The following NRG1 variants were observed in gnomAD, a reference collection of about 807,000 sequenced individuals.
NRG1 encodes the protein neuregulin 1.
Under a neutral mutation model 63.8 loss-of-function variants are expected in NRG1, and 18 were observed. That is an observed-to-expected ratio of 0.28 (90% CI 0.19 to 0.42). The LOEUF is 0.42. Among genes scored for constraint, NRG1 ranks in the 10% least tolerant of loss-of-function variants. The pLI is 1.00. For synonymous variants in NRG1, 302 were observed against 301.3 expected (o/e 1.00, Z -0.02); for missense variants, 762 against 814.7 (o/e 0.94, Z 0.79).
chr8:31,756,999 C>T lies in NRG1; in HGVS notation c.37+117568C>T, dbSNP rs1206760613. Reference sequence around the variant, plus strand: ...GGCCAGACATATTCAAAGTGTGATCCGCATTCAATATCACCATTCTCTTGC... The same window carrying T: ...GGCCAGACATATTCAAAGTGTGATCTGCATTCAATATCACCATTCTCTTGC... On this transcript the variant is annotated intron_variant, in intron 1 of 10. Transcript: ENST00000519301. Among the ~76,000 whole-genome samples the T allele has an allele frequency of 3.3e-5, 5 of 152,106 alleles. No individual in the cohort carries two copies. The East Asian group carries it at 5.8e-4, about 18-fold the overall frequency.
intron 5 of NRG1, among the ~76,000 whole-genome samples, chr8:32,632,937 C>T (rs2129544421): frequency 6.6e-6 from 1 of 152,278 alleles, no homozygotes; most frequent in African/African-American, 2.4e-5. Flanking sequence ...ACACTTATTT[C>T]TTTGATTCCT....
chr8:31,951,246 C>T (rs1026469722), intron 1 of NRG1, among the ~76,000 whole-genome samples: 3 of 152,208 alleles, frequency 2.0e-5, no homozygotes, highest in African/African-American at 7.2e-5. Flanking sequence ...GGTACCCACT[C>T]TTTGAGGCCT....
In NRG1 at chr8:32,340,938, G is replaced by A. The variant is rs547900014; in HGVS notation, c.38-254890G>A. On this transcript the variant is annotated intron_variant, in intron 1 of 10. Coordinates refer to the NRG1 transcript ENST00000519301. The stretch of plus-strand genomic sequence containing the variant: ...TTTACAACAGTCAAGATGAGTGCTT[G>A]AAACAGAGGCCACATGGCCTGCAAA... 1.0e-3 allele frequency among the ~76,000 whole-genome samples: 157 copies of A among 152,320 alleles called. 1 individual carries two copies. Among genetic ancestry groups the A allele is most frequent in the African/African-American group, 3.6e-3 (150 of 41,580 alleles).
chr8:32,010,596 C>T (rs535826117), intron 1 of NRG1, among the ~76,000 whole-genome samples: 1 of 151,950 alleles, frequency 6.6e-6, no homozygotes, highest in Non-Finnish European at 1.5e-5. Flanking sequence ...TAATGTGATT[C>T]CTTTCTTTAT....
At chr8:31,741,076 A>G (rs961355417) in intron 1 of NRG1, among the ~76,000 whole-genome samples, 1 of 152,046 alleles carries the variant, frequency 6.6e-6, no homozygotes, top group African/African-American at 2.4e-5. Context: ...AGCAACATGG[A>G]TGTAGCTGGA....
At chr8:32,537,379 G>A (rs916325630) in intron 1 of NRG1, among the ~76,000 whole-genome samples, 3 of 152,048 alleles carry the variant, frequency 2.0e-5, no homozygotes, top group Non-Finnish European at 4.4e-5. Flanking sequence ...ATTCAGACTA[G>A]GGTGACGAAA....
At position 32,586,107 on chromosome 8, in the gene NRG1, G is replaced by C. The variant is rs1196792199; in HGVS notation, c.101-9721G>C. On this transcript the variant is annotated intron_variant, in intron 1 of 11. Transcript: ENST00000356819. ...TTAGAACAATGCCTGGCACATAGTA[G>C]GTACTCAAGTATCAGCTATTATTAT... Among the ~76,000 whole-genome samples, 3 of 136,212 alleles carry C rather than the reference G, an allele frequency of 2.2e-5. No homozygotes were observed. In the East Asian group the frequency reaches 6.1e-4, roughly 28 times the overall value. 89.4% of individuals were successfully genotyped at this position (136,212 alleles called of 152,430 possible). A position where few individuals can be genotyped will look rare whatever the true frequency, so the allele number is the denominator to read the frequency against.
chr8:32,256,532 G>A (rs144041620), intron 1 of NRG1: 2,996 of 152,608 alleles, frequency 0.02, 46 homozygotes, highest in African/African-American at 0.042. Flanking sequence ...GCCCGATCTC[G>A]TCTGATCTCA....
chr8:32,153,204 G>A (rs73232238), intron 1 of NRG1, among the ~76,000 whole-genome samples: 12,276 of 152,072 alleles, frequency 0.081, 649 homozygotes, highest in East Asian at 0.25. Flanking sequence ...GTGGGAGTAG[G>A]ATACAGTACA....
rs1819956154 is a variant in NRG1 at position 32,718,997 on chromosome 8, TA to T, written c.503-8951del. Among the ~76,000 whole-genome samples, 5 of 152,264 alleles carry T rather than the reference TA, an allele frequency of 3.3e-5. No homozygotes were observed. In the South Asian group the frequency reaches 1.0e-3, roughly 32 times the overall value. Reference sequence around the variant, plus strand: ...TTCTAAAGCTGTATCATAATTTTTTTATTCCTGCCTTACTGCATTGATTAGA... The same window carrying T: ...TTCTAAAGCTGTATCATAATTTTTTTTTCCTGCCTTACTGCATTGATTAGA... On this transcript the variant is annotated intron_variant, in intron 5 of 11. Coordinates refer to ENST00000356819, the Ensembl canonical transcript of NRG1.
intron 1 of NRG1, among the ~76,000 whole-genome samples, chr8:31,777,172 G>T (rs1333468799): frequency 9.2e-5 from 14 of 152,174 alleles, no homozygotes; most frequent in Admixed American, 9.2e-4. Context: ...CTGGATGTCT[G>T]GTCTTGGAGA....
intron 1 of NRG1, among the ~76,000 whole-genome samples, chr8:31,926,727 A>G (rs558329835): frequency 2.6e-5 from 4 of 152,272 alleles, no homozygotes; most frequent in Non-Finnish European, 5.9e-5. Context: ...TCAAAACCCC[A>G]GGGCTTTTAG....
chr8:32,268,185 C>T (rs1167813194), intron 1 of NRG1, among the ~76,000 whole-genome samples: 2 of 152,200 alleles, frequency 1.3e-5, no homozygotes, highest in East Asian at 3.9e-4. Flanking sequence ...GAAAGCACAG[C>T]CTTCCCTGGT....
At chr8:32,767,474 A>G (rs956692448) in exon 12 of NRG1, 1 of 152,178 alleles carries the variant, frequency 6.6e-6, no homozygotes, top group Non-Finnish European at 1.5e-5. Context: ...GGCAGAAGGA[A>G]ATGGCCACAT....
intron 1 of NRG1, among the ~76,000 whole-genome samples, chr8:32,424,752 AG>A (rs1313564623): frequency 6.6e-6 from 1 of 152,174 alleles, no homozygotes; most frequent in Non-Finnish European, 1.5e-5. Flanking sequence ...CTGTAATCCC[AG>A]CAATATGGAA....
At chr8:32,145,572 A>G (rs569715141) in intron 1 of NRG1, among the ~76,000 whole-genome samples, 19 of 152,320 alleles carry the variant, frequency 1.2e-4, no homozygotes, top group Non-Finnish European at 1.9e-4. Context: ...GAAATCAACT[A>G]GTGCTCTACT....
chr8:32,606,028 CA>C (rs1031278930), intron 3 of NRG1, among the ~76,000 whole-genome samples: 2 of 149,946 alleles, frequency 1.3e-5, no homozygotes, highest in Non-Finnish European at 3.0e-5. Context: ...AGAATACAGT[CA>C]TATATATATA....
At chr8:32,631,048 G>T (rs1850199496) in intron 5 of NRG1, among the ~76,000 whole-genome samples, 1 of 152,000 alleles carries the variant, frequency 6.6e-6, no homozygotes, top group African/African-American at 2.4e-5. Context: ...TCTAAACAGG[G>T]CAGACCATAC....
chr8:32,559,083 G>C (rs1421329228), intron 1 of NRG1, among the ~76,000 whole-genome samples: 4 of 86,802 alleles, frequency 4.6e-5, no homozygotes, highest in Non-Finnish European at 6.3e-5. Context: ...TTGTCTCAGC[G>C]AAAAAAAAAA....
Sources: allele counts gnomAD v4.1 joint callset (sites outside exome capture counted in the v4.1 genomes callset), GRCh38; gene constraint gnomAD v4.1.1; transcripts MANE v1.5; gene names NCBI Gene and HGNC (gene_info 2026-07-23, HGNC 2026-07-21).